Variants in AFG2A observed in about 807,000 individuals in gnomAD.
The protein encoded by AFG2A is AAA ATPase AFG2A.
At chr4:122,946,441 T>C in the AFG2A span, among the ~76,000 whole-genome samples, 3 of 152,250 alleles carry the variant, frequency 2.0e-5, no homozygotes, top group Non-Finnish European at 4.4e-5. Context: ...TCTAAACTTA[T>C]AATTCATAGA....
At chr4:123,305,063 G>A in the AFG2A span, among the ~76,000 whole-genome samples, 1 of 152,166 alleles carries the variant, frequency 6.6e-6, no homozygotes. Flanking sequence ...CAGCTATCAG[G>A]AACTACTTTT....
chr4:123,270,778 TC>T, the AFG2A span, among the ~76,000 whole-genome samples: 15 of 152,320 alleles, frequency 9.8e-5, no homozygotes, highest in Admixed American at 3.9e-4. Context: ...TAAAGTTTGA[TC>T]AAAGTACAAT....
the AFG2A span, among the ~76,000 whole-genome samples, chr4:123,047,315 T>C: frequency 1.3e-5 from 2 of 152,326 alleles, no homozygotes; most frequent in Non-Finnish European, 1.5e-5. Context: ...TAAGAGATCA[T>C]TGTGGTCTTG....
At chr4:122,935,638 A>G in the AFG2A span, 2 of 1,452,728 alleles carry the variant, frequency 1.4e-6, no homozygotes, top group South Asian at 1.6e-5. Context: ...TTTATAACTC[A>G]TGTTTGAACT....
the AFG2A span, among the ~76,000 whole-genome samples, chr4:123,232,293 T>C: frequency 6.6e-6 from 1 of 151,952 alleles, no homozygotes; most frequent in Non-Finnish European, 1.5e-5. Context: ...GCACTTCAAC[T>C]TTTAAATTTA....
the AFG2A span, among the ~76,000 whole-genome samples, chr4:122,937,671 A>G: frequency 1.3e-5 from 2 of 152,190 alleles, no homozygotes; most frequent in Admixed American, 1.3e-4. Context: ...CTTCTGTGAG[A>G]GAATTCACAT....
chr4:123,073,366 ATTC>A, the AFG2A span, among the ~76,000 whole-genome samples: 4 of 152,078 alleles, frequency 2.6e-5, no homozygotes, highest in African/African-American at 9.6e-5. Flanking sequence ...AAATAATTTT[ATTC>A]TTCATGAATT....
At chr4:122,934,115 C>T in the AFG2A span, 2 of 1,593,084 alleles carry the variant, frequency 1.3e-6, no homozygotes, top group South Asian at 1.1e-5. Flanking sequence ...ATTGTTTTAC[C>T]AGGCAACTTT....
the AFG2A span, among the ~76,000 whole-genome samples, chr4:123,262,538 G>A: frequency 1.2e-4 from 19 of 152,252 alleles, no homozygotes; most frequent in South Asian, 2.1e-4. Flanking sequence ...TCCCTTTGAC[G>A]TCTCTGAATA....
chr4:123,153,376 T>TA, the AFG2A span, among the ~76,000 whole-genome samples: 1 of 152,254 alleles, frequency 6.6e-6, no homozygotes, highest in African/African-American at 2.4e-5. Context: ...TTTGTTTTGA[T>TA]AGAGCATCTC....
At chr4:122,996,302 A>G in the AFG2A span, among the ~76,000 whole-genome samples, 1 of 152,202 alleles carries the variant, frequency 6.6e-6, no homozygotes, top group Non-Finnish European at 1.5e-5. Flanking sequence ...CTTTGTGGAC[A>G]TAATTGTGTC....
chr4:123,100,752 C>T, the AFG2A span, among the ~76,000 whole-genome samples: 10 of 151,910 alleles, frequency 6.6e-5, no homozygotes, highest in Admixed American at 3.9e-4. Context: ...TCAAAGTCTG[C>T]TAAATAATAG....
At chr4:122,957,672 A>G in the AFG2A span, among the ~76,000 whole-genome samples, 13 of 152,176 alleles carry the variant, frequency 8.5e-5, no homozygotes, top group Non-Finnish European at 1.6e-4. Flanking sequence ...GAATAATTTG[A>G]GTTGCTCTCA....
the AFG2A span, among the ~76,000 whole-genome samples, chr4:123,281,147 A>G: frequency 5.9e-3 from 895 of 152,272 alleles, 9 homozygotes; most frequent in African/African-American, 0.02. Flanking sequence ...TACAACTGCA[A>G]GAATATATGT....
At chr4:123,115,867 T>G in the AFG2A span, among the ~76,000 whole-genome samples, 1 of 152,214 alleles carries the variant, frequency 6.6e-6, no homozygotes, top group South Asian at 2.1e-4. Context: ...CAGTGATGGA[T>G]GGACTAGCAG....
chr4:122,984,331 A>G, the AFG2A span, among the ~76,000 whole-genome samples: 1 of 152,146 alleles, frequency 6.6e-6, no homozygotes, highest in Admixed American at 6.5e-5. Context: ...AATGCTTTCA[A>G]CAGTTCTAGG....
chr4:123,267,031 G>A, the AFG2A span, among the ~76,000 whole-genome samples: 20 of 151,970 alleles, frequency 1.3e-4, no homozygotes, highest in Non-Finnish European at 2.7e-4. Context: ...CTGTTATTCA[G>A]TGTATGAAAG....
the AFG2A span, among the ~76,000 whole-genome samples, chr4:123,214,664 C>T: frequency 6.6e-6 from 1 of 151,828 alleles, no homozygotes; most frequent in Non-Finnish European, 1.5e-5. Context: ...ATGAAATATA[C>T]ACAAATCTAT....
At chr4:123,152,105 C>T in the AFG2A span, among the ~76,000 whole-genome samples, 3 of 141,396 alleles carry the variant, frequency 2.1e-5, no homozygotes, top group Admixed American at 2.2e-4. Context: ...GGGAGGGGAA[C>T]ATAACACACT....
Sources: allele counts gnomAD v4.1 joint callset (sites outside exome capture counted in the v4.1 genomes callset), GRCh38; gene constraint gnomAD v4.1.1; transcripts MANE v1.5; gene names NCBI Gene and HGNC (gene_info 2026-07-23, HGNC 2026-07-21).